The following LEPR variants were observed in gnomAD, a reference collection of about 807,000 sequenced individuals.
LEPR encodes OB receptor.
LEPR carries 56 observed loss-of-function variants against 114.7 expected under a neutral mutation model. The ratio of observed to expected loss-of-function variants is 0.49; its 90% CI spans 0.39 to 0.61. The LOEUF (loss-of-function observed/expected upper bound fraction) is 0.61. Among genes scored for constraint, LEPR ranks in the 20% least tolerant of loss-of-function variants. The pLI, the probability that LEPR is intolerant of heterozygous loss-of-function variation, is 0.00. For missense variants in LEPR, 1,202 were observed against 1,352.9 expected (o/e 0.89, Z 1.75); for synonymous variants, 443 against 461.4 (o/e 0.96, Z 0.51).
At chr1:65,565,838 C>CTT (rs1338296565) in intron 3 of LEPR, among the ~76,000 whole-genome samples, 1 of 132,786 alleles carries the variant, frequency 7.5e-6, no homozygotes, top group African/African-American at 2.7e-5. Context: ...AGAATCCTCT[C>CTT]TCTCTCTCAC....
rs112768316 is a variant in LEPR, at chr1:65,426,171, C to T, written c.-21+793C>T. ...AATGTCAAGAAAATCAGCAAGCAGG[C>T]CATACAGATCTCTAGGGAAAAAGCA... On this transcript the variant is annotated intron_variant, in intron 2 of 19. Coordinates refer to ENST00000349533, the MANE Select transcript of LEPR (RefSeq NM_002303.6). Among the ~76,000 whole-genome samples the T allele has an allele frequency of 6.4e-3, 965 of 151,582 alleles. 11 individuals are homozygous for T. The highest frequency in any genetic ancestry group is 0.019 in the African/African-American group (779 of 40,966).
chr1:65,486,783 C>T (rs1012453457), intron 2 of LEPR, among the ~76,000 whole-genome samples: 3 of 152,250 alleles, frequency 2.0e-5, no homozygotes, highest in East Asian at 1.9e-4. Flanking sequence ...ATGAGAGACA[C>T]GTGACCTCAG....
intron 2 of LEPR, among the ~76,000 whole-genome samples, chr1:65,472,095 A>C (rs1478981598): frequency 1.3e-5 from 2 of 152,202 alleles, no homozygotes; most frequent in African/African-American, 4.8e-5. Flanking sequence ...GGCCTTTGTG[A>C]ATAAATACTA....
chr1:65,546,151 T>C (rs1318918714), intron 2 of LEPR, among the ~76,000 whole-genome samples: 1 of 152,252 alleles, frequency 6.6e-6, no homozygotes, highest in Non-Finnish European at 1.5e-5. Flanking sequence ...GGCTCTGTTC[T>C]ATTCCATTGA....
chr1:65,610,878 C>T (rs931477473), intron 14 of LEPR, among the ~76,000 whole-genome samples: 1 of 152,166 alleles, frequency 6.6e-6, no homozygotes, highest in African/African-American at 2.4e-5. Flanking sequence ...GAATACAACA[C>T]ATGAAGTCAA....
intron 2 of LEPR, among the ~76,000 whole-genome samples, chr1:65,489,741 TC>T (rs1469256113): frequency 2.6e-5 from 4 of 152,128 alleles, no homozygotes; most frequent in Non-Finnish European, 1.5e-5. Context: ...TTAGTTAATC[TC>T]CTCCATCCCA....
intron 2 of LEPR, among the ~76,000 whole-genome samples, chr1:65,557,790 T>G (rs1212754092): frequency 1.3e-5 from 2 of 152,200 alleles, no homozygotes; most frequent in Non-Finnish European, 2.9e-5. Context: ...GGGTGCATGT[T>G]TCTCTCATTG....
At chr1:65,500,454 T>TC (rs1216183074) in intron 2 of LEPR, among the ~76,000 whole-genome samples, 4 of 152,162 alleles carry the variant, frequency 2.6e-5, no homozygotes, top group Admixed American at 2.6e-4. Context: ...ACACAGATTT[T>TC]CCTCTGCATC....
At chr1:65,625,085 A>G (rs1402635710) in intron 19 of LEPR, among the ~76,000 whole-genome samples, 1 of 152,160 alleles carries the variant, frequency 6.6e-6, no homozygotes, top group East Asian at 1.9e-4. Flanking sequence ...GAATTTATAC[A>G]GTGACATTTT....
chr1:65,509,588 A>G (rs1451613151), intron 2 of LEPR, among the ~76,000 whole-genome samples: 1 of 152,164 alleles, frequency 6.6e-6, no homozygotes, highest in Non-Finnish European at 1.5e-5. Context: ...TACAAGAAAC[A>G]GGGCGTATGT....
At chr1:65,557,944 A>T (rs1483928576) in intron 2 of LEPR, among the ~76,000 whole-genome samples, 3 of 152,186 alleles carry the variant, frequency 2.0e-5, no homozygotes, top group Non-Finnish European at 4.4e-5. Context: ...TTTTGCATGG[A>T]ACATTAAATA....
At chr1:65,471,579 T>C (rs945348765) in intron 2 of LEPR, among the ~76,000 whole-genome samples, 2 of 152,306 alleles carry the variant, frequency 1.3e-5, no homozygotes, top group African/African-American at 2.4e-5. Flanking sequence ...AGTCAAAAAA[T>C]GACCTGGTTG....
At chr1:65,523,256 A>G (rs1649726129) in intron 2 of LEPR, among the ~76,000 whole-genome samples, 1 of 152,182 alleles carries the variant, frequency 6.6e-6, no homozygotes, top group Admixed American at 6.5e-5. Context: ...CTTGTTTCCT[A>G]CAGGGCAGTT....
At chr1:65,568,319 A>G (rs994810493) in intron 3 of LEPR, among the ~76,000 whole-genome samples, 5 of 152,086 alleles carry the variant, frequency 3.3e-5, no homozygotes. Flanking sequence ...GTTGCGTAGT[A>G]TGTACATCAC....
chr1:65,632,835 T>G (rs1384192266), intron 19 of LEPR, among the ~76,000 whole-genome samples: 1 of 152,098 alleles, frequency 6.6e-6, no homozygotes, highest in East Asian at 1.9e-4. Context: ...TGCTGTTGGT[T>G]CTCCCTCTTT....
At chr1:65,629,736 C>T (rs74699843) in intron 19 of LEPR, among the ~76,000 whole-genome samples, 4,203 of 151,564 alleles carry the variant, frequency 0.028, 198 homozygotes, top group African/African-American at 0.097. Flanking sequence ...CCTCCCCTCC[C>T]ATTATATAAT....
chr1:65,475,418 A>G (rs942084896), intron 2 of LEPR, among the ~76,000 whole-genome samples: 1 of 151,934 alleles, frequency 6.6e-6, no homozygotes, highest in African/African-American at 2.4e-5. Flanking sequence ...ACCTTTTTGC[A>G]GGAATTTGGA....
chr1:65,589,261 G>T (rs1655524883), intron 5 of LEPR, among the ~76,000 whole-genome samples: 1 of 151,816 alleles, frequency 6.6e-6, no homozygotes, highest in South Asian at 2.1e-4. Context: ...CTTTTTAACT[G>T]GGTTGTTTGT....
chr1:65,520,171 G>GT (rs1649559335), intron 2 of LEPR, among the ~76,000 whole-genome samples: 2 of 152,174 alleles, frequency 1.3e-5, no homozygotes, highest in African/African-American at 2.4e-5. Flanking sequence ...CCAAAAAAAT[G>GT]TTTTTTAAAT....
Sources: gnomAD v4.1 joint callset for allele counts (sites outside exome capture counted in the v4.1 genomes callset) on GRCh38, gnomAD v4.1.1 for gene constraint, MANE v1.5 for transcripts, NCBI Gene and HGNC (gene_info 2026-07-23, HGNC 2026-07-21) for gene names.